Variants in COL5A2 observed in about 807,000 individuals in gnomAD.
COL5A2 encodes the protein collagen type V alpha 2 chain, also known as collagen alpha-2(V) chain.
A neutral mutation model predicts 208.2 loss-of-function variants in COL5A2; 23 were observed. The observed-to-expected ratio is 0.11, with a 90% confidence interval of 0.08 to 0.16. COL5A2 has a LOEUF of 0.16. COL5A2 is among the 10% of genes least tolerant of loss of function. The pLI, the probability that COL5A2 is intolerant of heterozygous loss-of-function variation, is 1.00. For synonymous variants in COL5A2, 625 were observed against 628.5 expected (o/e 0.99, Z 0.08); for missense variants, 1,590 against 1,956.4 (o/e 0.81, Z 3.53).
the COL5A2 span, among the ~76,000 whole-genome samples, chr2:189,378,458 C>A: frequency 6.6e-6 from 1 of 152,144 alleles, no homozygotes; most frequent in East Asian, 1.9e-4. Flanking sequence ...GGCGCGGTGG[C>A]TCACGCCTGT....
chr2:189,367,830 A>G, the COL5A2 span, among the ~76,000 whole-genome samples: 1 of 152,178 alleles, frequency 6.6e-6, no homozygotes, highest in Non-Finnish European at 1.5e-5. Flanking sequence ...TATTACTACA[A>G]ATATTTTAAA....
rs1175370532 is a variant in COL5A2, at chr2:189,094,588, GACACACACACAC to G, written c.457-2180_457-2169del. Among the ~76,000 whole-genome samples the G allele has an allele frequency of 4.8e-3, 56 of 11,688 alleles. 3 individuals carry two copies. Among genetic ancestry groups the G allele is most frequent in the African/African-American group, 7.3e-3 (41 of 5,636 alleles). 7.7% of individuals were successfully genotyped at this position (11,688 alleles called of 152,430 possible). A position where few individuals can be genotyped will look rare whatever the true frequency, so the allele number is the denominator to read the frequency against. ...TTTCTCTCTCTCTCTCTTTCTCTCT[GACACACACACAC>G]ACACACACACACACACACACACACA... On this transcript the variant is annotated intron_variant, in intron 6 of 53. Coordinates refer to ENST00000374866, the MANE Select transcript of COL5A2 (RefSeq NM_000393.5).
the COL5A2 span, among the ~76,000 whole-genome samples, chr2:189,426,329 G>C: frequency 1.6e-4 from 25 of 152,196 alleles, no homozygotes; most frequent in Non-Finnish European, 3.7e-4. Context: ...TCACCCCTCT[G>C]CTCACTGAGA....
In COL5A2 at chr2:189,051,367, G is replaced by C; in HGVS notation, c.2884C>G (p.Pro962Ala). ...RVGDRGPAGPPGGPGDKGDPG... is the reference protein window; with the variant it reads ...RVGDRGPAGPAGGPGDKGDPG... ...TCCCCTTTGTCTCCTGGGCCACCAG[G>C]GGGGCCAGCTGGTCCTCGATCTCCC... Residue 962 changes from proline (P) to alanine (A), a missense_variant, in exon 42 of 54, where the codon CCT (proline) becomes GCT (alanine). Physicochemically the swap from Pro to Ala is conservative, Grantham distance 27. Transcript: ENST00000374866. 2.5e-6 allele frequency: 4 copies of C among 1,614,068 alleles called. No individual in the cohort carries two copies. Among genetic ancestry groups the C allele is most frequent in the African/African-American group, 2.7e-5 (2 of 75,020 alleles).
At chr2:189,213,297 T>TA (rs944376797) in intron 1 of COL5A2, among the ~76,000 whole-genome samples, 4 of 152,010 alleles carry the variant, frequency 2.6e-5, no homozygotes, top group African/African-American at 9.7e-5. Flanking sequence ...AAATTAACTT[T>TA]AAAAAATGAC....
chr2:189,321,051 A>G, the COL5A2 span, among the ~76,000 whole-genome samples: 3 of 152,202 alleles, frequency 2.0e-5, no homozygotes, highest in Non-Finnish European at 4.4e-5. Context: ...CCAGAATTTC[A>G]TATCCAGCCA....
At chr2:189,187,883 G>A (rs1156895630) in intron 1 of COL5A2, among the ~76,000 whole-genome samples, 1 of 151,380 alleles carries the variant, frequency 6.6e-6, no homozygotes, top group African/African-American at 2.4e-5. Flanking sequence ...GCAGGAGAAT[G>A]GTGTGAACCC....
chr2:189,322,354 A>C, the COL5A2 span, among the ~76,000 whole-genome samples: 5 of 152,226 alleles, frequency 3.3e-5, no homozygotes, highest in African/African-American at 1.2e-4. Context: ...ACATAGAGAC[A>C]CAAAAAACCC....
chr2:189,061,875 A>G (rs1293994564), intron 29 of COL5A2, among the ~76,000 whole-genome samples: 2 of 152,200 alleles, frequency 1.3e-5, no homozygotes, highest in Admixed American at 1.3e-4. Context: ...TCTGGAGCCA[A>G]TTGTAAACTT....
intron 1 of COL5A2, among the ~76,000 whole-genome samples, chr2:189,162,562 A>C (rs1383632524): frequency 1.3e-5 from 2 of 152,240 alleles, no homozygotes; most frequent in Non-Finnish European, 2.9e-5. Context: ...CGATGACCAA[A>C]GTATACCTCA....
At chr2:189,242,481 T>TAC in the COL5A2 span, among the ~76,000 whole-genome samples, 127 of 152,040 alleles carry the variant, frequency 8.4e-4, no homozygotes, top group African/African-American at 2.9e-3. Context: ...TAATATGCCT[T>TAC]ACACACACAC....
At chr2:189,121,592 G>A (rs917875723) in intron 1 of COL5A2, among the ~76,000 whole-genome samples, 4 of 151,900 alleles carry the variant, frequency 2.6e-5, no homozygotes, top group Admixed American at 6.6e-5. Context: ...ATTTGTTGCC[G>A]ATGACTAACT....
intron 16 of COL5A2, 73 bp downstream of exon 16, chr2:189,078,443 G>T: frequency 8.1e-7 from 1 of 1,229,816 alleles, no homozygotes. Flanking sequence ...TAAAAGGCAA[G>T]TTCAGTAAAC....
At chr2:189,419,262 T>C in the COL5A2 span, among the ~76,000 whole-genome samples, 6 of 152,200 alleles carry the variant, frequency 3.9e-5, no homozygotes, top group Admixed American at 3.3e-4. Flanking sequence ...ATGTACAAGT[T>C]CTTATCCCTG....
chr2:189,094,065 T>G (rs574601706), intron 6 of COL5A2, among the ~76,000 whole-genome samples: 1 of 152,214 alleles, frequency 6.6e-6, no homozygotes. Context: ...TTGAGAAATA[T>G]TCATTAGTCC....
At position 189,191,456 on chromosome 2, in the gene COL5A2, C is replaced by A. The variant is rs988782330; in HGVS notation, c.-42+33692G>T. ...AGGAGTTCGCGACCAGCCTGGCCAACATGTTGAAACCCCATCTCTACTAAA... is the reference window on the plus strand; with the variant it reads ...AGGAGTTCGCGACCAGCCTGGCCAAAATGTTGAAACCCCATCTCTACTAAA... On this transcript the variant is annotated intron_variant, in intron 1 of 10. Transcript: ENST00000649966. 2.0e-4 allele frequency among the ~76,000 whole-genome samples: 30 copies of A among 152,100 alleles called. 1 individual carries two copies. The highest frequency in any genetic ancestry group is 7.2e-4 in the African/African-American group (30 of 41,514).
intron 1 of COL5A2, among the ~76,000 whole-genome samples, chr2:189,156,429 ACT>A (rs1688248824): frequency 6.6e-6 from 1 of 152,126 alleles, no homozygotes; most frequent in Non-Finnish European, 1.5e-5. Context: ...TTGAAGACAA[ACT>A]CATATATAAA....
upstream of COL5A2, among the ~76,000 whole-genome samples, chr2:189,180,206 T>C (rs1262013683): frequency 6.6e-6 from 1 of 152,174 alleles, no homozygotes; most frequent in East Asian, 1.9e-4. Context: ...AATCACATTT[T>C]AACCCTTTCT....
chr2:189,090,400 A>G (rs7424928), intron 7 of COL5A2, among the ~76,000 whole-genome samples: 20,204 of 152,262 alleles, frequency 0.13, 1,371 homozygotes, highest in Middle Eastern at 0.19. Context: ...TAATATAAAA[A>G]TGCAAAGTGA....
Sources: allele counts gnomAD v4.1 joint callset (sites outside exome capture counted in the v4.1 genomes callset), GRCh38; gene constraint gnomAD v4.1.1; transcripts MANE v1.5; gene names NCBI Gene and HGNC (gene_info 2026-07-23, HGNC 2026-07-21).